The following RNF111 variants were observed in gnomAD, a reference collection of about 807,000 sequenced individuals.
RNF111 encodes ring finger protein 111.
In RNF111, 17 loss-of-function variants were observed where a neutral mutation model predicts 95.1. The observed-to-expected ratio is 0.18, with a 90% CI of 0.12 to 0.27. The LOEUF (loss-of-function observed/expected upper bound fraction) is 0.27. Among genes scored for constraint, RNF111 ranks in the 10% least tolerant of loss-of-function variants. The pLI is 1.00. For missense variants in RNF111, 1,189 were observed against 1,210.4 expected (o/e 0.98, Z 0.26); for synonymous variants, 440 against 414.8 (o/e 1.06, Z -0.74).
chr15:58,990,486 T>A (rs1352129418), intron 1 of RNF111, among the ~76,000 whole-genome samples: 1 of 152,110 alleles, frequency 6.6e-6, no homozygotes, highest in Non-Finnish European at 1.5e-5. Context: ...CCATCTCTAC[T>A]GAAAATACAA....
intron 1 of RNF111, among the ~76,000 whole-genome samples, chr15:59,005,202 T>C (rs2039485305): frequency 6.6e-6 from 1 of 152,188 alleles, no homozygotes; most frequent in East Asian, 1.9e-4. Context: ...ATACTGTTTG[T>C]TTATTTGTCG....
At chr15:58,997,060 C>T (rs900603957) in intron 1 of RNF111, among the ~76,000 whole-genome samples, 2 of 151,908 alleles carry the variant, frequency 1.3e-5, no homozygotes, top group Non-Finnish European at 2.9e-5. Flanking sequence ...ACTTAGTTTT[C>T]ATGTCAGTTT....
intron 1 of RNF111, among the ~76,000 whole-genome samples, chr15:59,017,828 G>T (rs2040142997): frequency 6.8e-6 from 1 of 147,332 alleles, no homozygotes; most frequent in Non-Finnish European, 1.5e-5. Context: ...CACAATCTCG[G>T]CTCTCTGCAA....
chr15:59,038,610 A>G (rs2041297508), intron 2 of RNF111, among the ~76,000 whole-genome samples: 1 of 152,148 alleles, frequency 6.6e-6, no homozygotes, highest in Non-Finnish European at 1.5e-5. Flanking sequence ...TGCCATTCTT[A>G]ATTCATTTCT....
intron 1 of RNF111, among the ~76,000 whole-genome samples, chr15:59,014,758 C>G (rs1464714173): frequency 2.8e-5 from 4 of 140,576 alleles, no homozygotes; most frequent in African/African-American, 1.0e-4. Context: ...GAATTGCAGA[C>G]TTTTTTTTTT....
intron 1 of RNF111, among the ~76,000 whole-genome samples, chr15:59,016,480 G>A (rs142769071): frequency 1.9e-4 from 29 of 152,228 alleles, no homozygotes; most frequent in Middle Eastern, 3.4e-3. Flanking sequence ...CTTCTTGAAG[G>A]ATGGGAACCT....
chr15:59,001,247 C>G (rs893279979), intron 1 of RNF111, among the ~76,000 whole-genome samples: 1 of 152,054 alleles, frequency 6.6e-6, no homozygotes, highest in Non-Finnish European at 1.5e-5. Context: ...GAATGGTGGT[C>G]TCTGAGAACA....
At chr15:59,072,892 A>T (rs1012995942) in intron 6 of RNF111, among the ~76,000 whole-genome samples, 5 of 151,630 alleles carry the variant, frequency 3.3e-5, no homozygotes, top group Admixed American at 1.3e-4. Context: ...AAAAAAAAAA[A>T]ACAAAACACT....
intron 2 of RNF111, among the ~76,000 whole-genome samples, chr15:59,039,835 G>A (rs1433881839): frequency 6.6e-6 from 1 of 151,958 alleles, no homozygotes; most frequent in Non-Finnish European, 1.5e-5. Flanking sequence ...CCCTGCCTCA[G>A]CCTCCTGAGT....
At chr15:59,027,732 C>T (rs1283237745) in intron 1 of RNF111, among the ~76,000 whole-genome samples, 2 of 149,836 alleles carry the variant, frequency 1.3e-5, no homozygotes, top group African/African-American at 4.9e-5. Flanking sequence ...TTCTTTTCAC[C>T]ATGTTGGTCA....
intron 4 of RNF111, among the ~76,000 whole-genome samples, chr15:59,056,137 G>T (rs140450434): frequency 6.6e-6 from 1 of 152,208 alleles, no homozygotes; most frequent in African/African-American, 2.4e-5. Flanking sequence ...AATAATGATT[G>T]TCTTTAACTT....
chr15:59,078,136 C>T (rs982298415), intron 7 of RNF111, among the ~76,000 whole-genome samples: 1 of 152,132 alleles, frequency 6.6e-6, no homozygotes, highest in Admixed American at 6.6e-5. Flanking sequence ...ATCTCTCTGT[C>T]CTTACATTCT....
chr15:59,067,230 C>A, intron 6 of RNF111, 147 bp downstream of exon 6: 2 of 666,568 alleles, frequency 3.0e-6, no homozygotes, highest in South Asian at 4.1e-5. Flanking sequence ...CTCCCTGCCT[C>A]CCTCCGTTTC....
At chr15:59,089,054 G>T (rs1388117102) in intron 10 of RNF111, among the ~76,000 whole-genome samples, 1 of 152,072 alleles carries the variant, frequency 6.6e-6, no homozygotes, top group Non-Finnish European at 1.5e-5. Flanking sequence ...ACCTCAGCTG[G>T]GAACAGAGTT....
At chr15:59,058,963 G>GA (rs1267157236) in intron 5 of RNF111, among the ~76,000 whole-genome samples, 1 of 152,126 alleles carries the variant, frequency 6.6e-6, no homozygotes, top group African/African-American at 2.4e-5. Context: ...TTAGAATCCA[G>GA]AATCTACAAA....
In RNF111 at chr15:59,017,882, C is replaced by G. The variant is rs540021700; in HGVS notation, c.-19-12922C>G. On this transcript the variant is annotated intron_variant, in intron 1 of 13. Coordinates refer to ENST00000348370, the MANE Select transcript of RNF111 (RefSeq NM_017610.8). The stretch of plus-strand genomic sequence containing the variant: ...AAACGATTCTCCTGCTTCAGCCTCC[C>G]GAGTAGCTGGGATTACAGGCGCCTG... 1.1e-3 allele frequency among the ~76,000 whole-genome samples: 160 copies of G among 151,564 alleles called. 1 individual carries two copies. Among genetic ancestry groups the G allele is most frequent in the Non-Finnish European group, 1.7e-3 (115 of 67,906 alleles).
At position 59,044,060 on chromosome 15, in the gene RNF111, C is replaced by T. The variant is rs999923882; in HGVS notation, c.881-8245C>T. Among the ~76,000 whole-genome samples the T allele has an allele frequency of 9.9e-5, 15 of 151,952 alleles. 1 individual carries two copies. Among genetic ancestry groups the T allele is most frequent in the South Asian group, 2.1e-4 (1 of 4,808 alleles). ...TTTCTGGTGGGGGGAGACAGAGTTT[C>T]GCTTTTGCCGCCCAGGCTGGAGTGC... On this transcript the variant is annotated intron_variant, in intron 2 of 13. Transcript: ENST00000348370.
At chr15:59,012,556 T>G (rs2039876992) in intron 1 of RNF111, among the ~76,000 whole-genome samples, 1 of 152,204 alleles carries the variant, frequency 6.6e-6, no homozygotes, top group African/African-American at 2.4e-5. Flanking sequence ...ATGTGTTTAT[T>G]TGGAAAATTA....
At chr15:59,003,190 A>G (rs1461629085) in intron 1 of RNF111, among the ~76,000 whole-genome samples, 2 of 152,150 alleles carry the variant, frequency 1.3e-5, no homozygotes, top group Non-Finnish European at 2.9e-5. Context: ...ATGTCAGCTC[A>G]CTGCAACCTC....
Sources: gnomAD v4.1 joint callset for allele counts (sites outside exome capture counted in the v4.1 genomes callset) on GRCh38, gnomAD v4.1.1 for gene constraint, MANE v1.5 for transcripts, NCBI Gene and HGNC (gene_info 2026-07-23, HGNC 2026-07-21) for gene names.